The following CD59 variants were observed in gnomAD, a reference collection of about 807,000 sequenced individuals.
CD59 encodes the protein CD59 glycoprotein.
In CD59, 3 loss-of-function variants were observed where a neutral mutation model predicts 7.0. The observed-to-expected ratio is 0.43, with a 90% CI of 0.19 to 1.10. The LOEUF (loss-of-function observed/expected upper bound fraction) is 1.10, where lower values mean the gene tolerates loss of function less well. Ranked by LOEUF, CD59 falls within the 50% of genes least tolerant of loss-of-function variation. CD59 has a pLI of 0.29. For synonymous variants in CD59, 60 were observed against 62.0 expected (o/e 0.97, Z 0.15); for missense variants, 143 against 151.0 (o/e 0.95, Z 0.28).
At chr11:33,731,990 G>C (rs889712812) in intron 1 of CD59, among the ~76,000 whole-genome samples, 2 of 151,622 alleles carry the variant, frequency 1.3e-5, no homozygotes, top group Admixed American at 1.3e-4. Context: ...TTGTGGTAGT[G>C]AATAAGTCAC....
rs1220996906 is a variant in CD59 at position 33,708,378 on chromosome 11, T to G, written c.*1748A>C. 6.6e-6 allele frequency: 1 copy of G among 152,046 alleles called. No homozygotes were observed. The highest frequency in any genetic ancestry group is 1.5e-5 in the Non-Finnish European group (1 of 68,030). 9.4% of individuals were successfully genotyped at this position (152,046 alleles called of 1,614,324 possible). A position where few individuals can be genotyped will look rare whatever the true frequency, so the allele number is the denominator to read the frequency against. ...ATGACACAAGATAGCAGTAAGCCAA[T>G]CTCATCCTAGAATCTCAATCCTGAG... On this transcript the variant is annotated 3_prime_UTR_variant, in exon 4 of 4. Transcript: ENST00000642928.
chr11:33,719,699 A>G (rs1052280346), intron 2 of CD59: 3 of 152,240 alleles, frequency 2.0e-5, no homozygotes, highest in Admixed American at 1.3e-4. Context: ...AGATGTCTGG[A>G]GAGGTGATGT....
chr11:33,715,842 G>A (rs1443741423), intron 3 of CD59, among the ~76,000 whole-genome samples: 1 of 152,222 alleles, frequency 6.6e-6, no homozygotes, highest in Non-Finnish European at 1.5e-5. Flanking sequence ...GAAAAACAGA[G>A]GTGGAGAGAG....
chr11:33,733,188 A>G (rs771530843), intron 1 of CD59, among the ~76,000 whole-genome samples: 12 of 152,230 alleles, frequency 7.9e-5, no homozygotes, highest in Non-Finnish European at 1.3e-4. Flanking sequence ...GAGCCTCCAG[A>G]GCAGCACAGA....
At chr11:33,717,267 C>G in intron 3 of CD59, 103 bp downstream of exon 3, 1 of 728,124 alleles carries the variant, frequency 1.4e-6, no homozygotes, top group South Asian at 1.5e-5. Flanking sequence ...TAAATGGTAG[C>G]TATTACTTGA....
Position 33,705,403 on chromosome 11 carries a change from A to C in CD59, c.*4723T>G, listed in dbSNP as rs1042378951. 2 of 152,332 alleles carry C rather than the reference A, an allele frequency of 1.3e-5. No individual in the cohort carries two copies. The highest frequency in any genetic ancestry group is 4.8e-5 in the African/African-American group (2 of 41,466). 9.4% of individuals were successfully genotyped at this position (152,332 alleles called of 1,614,324 possible). On this transcript the variant is annotated 3_prime_UTR_variant, in exon 4 of 4. Transcript: ENST00000642928. ...AACTTCAGGGATCCAGGTAGCAGGA[A>C]GGAATCGGTAGCCTCTTTGGTATGG...
intron 3 of CD59, among the ~76,000 whole-genome samples, 155 bp downstream of exon 3, chr11:33,717,214 AT>A (rs1292907958): frequency 6.6e-6 from 1 of 152,230 alleles, no homozygotes; most frequent in Non-Finnish European, 1.5e-5. Context: ...TAAATTTAAA[AT>A]GTATGAAGAA....
chr11:33,711,273 C>T, intron 3 of CD59: 1 of 612,534 alleles, frequency 1.6e-6, no homozygotes, highest in Non-Finnish European at 2.9e-6. Context: ...TTCAGACCAG[C>T]CTGGTCAACA....
intron 2 of CD59, chr11:33,718,438 G>A: frequency 6.6e-6 from 1 of 151,890 alleles, no homozygotes; most frequent in Non-Finnish European, 1.5e-5. Flanking sequence ...AGCCACAATT[G>A]CACCACTGCA....
At chr11:33,724,863 T>C (rs1854207523) in intron 1 of CD59, among the ~76,000 whole-genome samples, 2 of 152,130 alleles carry the variant, frequency 1.3e-5, no homozygotes, top group Admixed American at 6.5e-5. Context: ...GAAGTAGCTA[T>C]GTGTAGATGC....
intron 1 of CD59, among the ~76,000 whole-genome samples, chr11:33,734,290 G>A (rs1692586059): frequency 6.6e-6 from 1 of 152,190 alleles, no homozygotes; most frequent in South Asian, 2.1e-4. Flanking sequence ...CTCATGCCAG[G>A]AATAACCACT....
At chr11:33,732,779 G>A (rs1318890671) in intron 1 of CD59, among the ~76,000 whole-genome samples, 1 of 152,198 alleles carries the variant, frequency 6.6e-6, no homozygotes, top group East Asian at 1.9e-4. Flanking sequence ...TATGTGGTAG[G>A]TAGAATAATG....
chr11:33,734,469 A>C (rs1382742651), intron 1 of CD59, among the ~76,000 whole-genome samples: 1 of 151,958 alleles, frequency 6.6e-6, no homozygotes, highest in African/African-American at 2.4e-5. Context: ...CTCTATCCCC[A>C]CCCACCCCAC....
At chr11:33,711,148 C>T (rs778999832) in intron 3 of CD59, among the ~76,000 whole-genome samples, 2 of 151,666 alleles carry the variant, frequency 1.3e-5, no homozygotes, top group Non-Finnish European at 2.9e-5. Flanking sequence ...AGATAACTCA[C>T]AGAAAGGGAG....
intron 3 of CD59, among the ~76,000 whole-genome samples, chr11:33,711,679 T>C (rs1554939840): frequency 6.6e-6 from 1 of 150,868 alleles, no homozygotes; most frequent in Non-Finnish European, 1.5e-5. Flanking sequence ...CTTGCCTCTT[T>C]AAAAAAAAAT....
At chr11:33,717,339 C>T in intron 3 of CD59, 31 bp downstream of exon 3, 2 of 1,418,860 alleles carry the variant, frequency 1.4e-6, no homozygotes, top group Non-Finnish European at 2.0e-6. Flanking sequence ...TACCCCATTA[C>T]ATTTAGGAGA....
chr11:33,716,678 C>A (rs1423507703), intron 3 of CD59, among the ~76,000 whole-genome samples: 8 of 152,206 alleles, frequency 5.3e-5, no homozygotes, highest in Admixed American at 3.9e-4. Flanking sequence ...TGTAGTCTAA[C>A]AAATTTGGAA....
rs1441379359 is a variant in CD59 at position 33,703,303 on chromosome 11, GTAA to G, written c.*6820_*6822del. 1.3e-5 allele frequency: 2 copies of G among 152,168 alleles called. No individual in the cohort carries two copies. The highest frequency in any genetic ancestry group is 2.9e-5 in the Non-Finnish European group (2 of 68,026). The allele number at this position is 152,168 out of a possible 1,614,324, so 9.4% of individuals were successfully genotyped here. Reference sequence around the variant, plus strand: ...TGTCAGGAGGCAAAGTCCCTATGAGGTAATAATAAACCCACGAGGTTAAGGCAA... The same window carrying G: ...TGTCAGGAGGCAAAGTCCCTATGAGGTAATAAACCCACGAGGTTAAGGCAA... On this transcript the variant is annotated 3_prime_UTR_variant, in exon 4 of 4. Transcript: ENST00000642928.
chr11:33,730,764 C>T (rs1199669229), intron 1 of CD59, among the ~76,000 whole-genome samples: 1 of 152,140 alleles, frequency 6.6e-6, no homozygotes, highest in Non-Finnish European at 1.5e-5. Context: ...ACTTGAATGA[C>T]ACATGAGACC....
Sources: gnomAD v4.1 joint callset for allele counts (sites outside exome capture counted in the v4.1 genomes callset) on GRCh38, gnomAD v4.1.1 for gene constraint, MANE v1.5 for transcripts, NCBI Gene and HGNC (gene_info 2026-07-23, HGNC 2026-07-21) for gene names.